Variants in ENAH observed in about 807,000 individuals in gnomAD.
The protein encoded by ENAH is ENAH actin regulator, also known as protein enabled homolog.
Under a neutral mutation model 78.7 loss-of-function variants are expected in ENAH, and 23 were observed. That is an observed-to-expected ratio of 0.29 (90% CI 0.21 to 0.41). The LOEUF (loss-of-function observed/expected upper bound fraction) is 0.41, where lower values mean the gene tolerates loss of function less well. Ranked by LOEUF, ENAH falls within the 10% of genes least tolerant of loss-of-function variation. ENAH has a pLI of 1.00. For synonymous variants in ENAH, 226 were observed against 241.0 expected, an observed-to-expected ratio of 0.94 and a Z score of 0.58; for missense variants, 544 against 691.0, an observed-to-expected ratio of 0.79 and a Z score of 2.39.
In ENAH at chr1:225,632,354, T is replaced by G. The variant is rs185582203; in HGVS notation, c.5+20332A>C. On this transcript the variant is annotated intron_variant, in intron 1 of 13. Coordinates refer to ENST00000366843, the MANE Select transcript of ENAH (RefSeq NM_018212.6). Reference sequence around the variant, plus strand: ...CTCTACTGAAAATACAAAAATTAGTTGGGCATAGTGGCAGGCGCCTGTAAT... The same window carrying G: ...CTCTACTGAAAATACAAAAATTAGTGGGGCATAGTGGCAGGCGCCTGTAAT... Among the ~76,000 whole-genome samples the G allele has an allele frequency of 1.3e-3, 204 of 152,160 alleles. No homozygotes were observed. The Middle Eastern group carries it at 0.014, about 10-fold the overall frequency.
At chr1:225,619,409 T>G (rs1348963188) in intron 1 of ENAH, among the ~76,000 whole-genome samples, 1 of 152,138 alleles carries the variant, frequency 6.6e-6, no homozygotes, top group Non-Finnish European at 1.5e-5. Flanking sequence ...CTGGGCATGG[T>G]GGCAAGCACC....
intron 1 of ENAH, among the ~76,000 whole-genome samples, chr1:225,613,867 T>C (rs984299195): frequency 2.6e-5 from 4 of 152,092 alleles, no homozygotes; most frequent in African/African-American, 9.7e-5. Context: ...TCACATCCCA[T>C]AGGTTAAGGG....
intron 3 of ENAH, among the ~76,000 whole-genome samples, chr1:225,552,618 A>ATT: frequency 6.6e-6 from 1 of 152,224 alleles, no homozygotes; most frequent in East Asian, 1.9e-4. Context: ...AAACTACAGA[A>ATT]CTAAAAGCTT....
chr1:225,578,474 C>T (rs1325353866), intron 1 of ENAH, among the ~76,000 whole-genome samples: 1 of 152,068 alleles, frequency 6.6e-6, no homozygotes, highest in Non-Finnish European at 1.5e-5. Flanking sequence ...GACACTCTCT[C>T]TTAAAAAAGG....
intron 1 of ENAH, among the ~76,000 whole-genome samples, chr1:225,573,933 G>A (rs1488686370): frequency 6.6e-6 from 1 of 152,128 alleles, no homozygotes. Context: ...CTAGTCTGTA[G>A]TGAGTTATCA....
At chr1:225,516,296 C>G (rs2096416708) in intron 6 of ENAH, among the ~76,000 whole-genome samples, 1 of 152,066 alleles carries the variant, frequency 6.6e-6, no homozygotes, top group South Asian at 2.1e-4. Flanking sequence ...ATATATGAAC[C>G]CTGCCATCCT....
chr1:225,652,556 G>C (rs1276733030), intron 1 of ENAH, 130 bp downstream of exon 1: 2 of 1,063,502 alleles, frequency 1.9e-6, no homozygotes, highest in Non-Finnish European at 2.4e-6. Context: ...AGGCGGAGGG[G>C]GGAGGAACAG....
chr1:225,596,504 GCTT>G (rs919399064), intron 1 of ENAH, among the ~76,000 whole-genome samples: 6 of 152,122 alleles, frequency 3.9e-5, no homozygotes, highest in Non-Finnish European at 8.8e-5. Flanking sequence ...AAACTAAACA[GCTT>G]CTGATTAAGA....
chr1:225,600,133 C>G (rs754246289), intron 1 of ENAH, among the ~76,000 whole-genome samples: 18 of 152,216 alleles, frequency 1.2e-4, no homozygotes, highest in Non-Finnish European at 2.4e-4. Flanking sequence ...CCAATTAAAC[C>G]TCTTCTCTTT....
At chr1:225,597,229 A>G (rs558157436) in intron 1 of ENAH, among the ~76,000 whole-genome samples, 1 of 152,346 alleles carries the variant, frequency 6.6e-6, no homozygotes, top group East Asian at 1.9e-4. Context: ...ATGAGTCTCC[A>G]TGTTTCATAA....
At chr1:225,583,905 C>G (rs560798235) in intron 1 of ENAH, among the ~76,000 whole-genome samples, 1 of 152,210 alleles carries the variant, frequency 6.6e-6, no homozygotes, top group South Asian at 2.1e-4. Context: ...GTAATCCCAG[C>G]ACTTTGGGAG....
At chr1:225,535,025 A>C (rs2096555126) in intron 3 of ENAH, among the ~76,000 whole-genome samples, 2 of 152,252 alleles carry the variant, frequency 1.3e-5, no homozygotes, top group South Asian at 2.1e-4. Context: ...TGTCAATCAG[A>C]AATCAACCTA....
intron 1 of ENAH, among the ~76,000 whole-genome samples, chr1:225,569,649 T>G (rs2096751235): frequency 6.6e-6 from 1 of 152,130 alleles, no homozygotes; most frequent in Non-Finnish European, 1.5e-5. Flanking sequence ...TTTCCTCTAC[T>G]TTTTTTCTCC....
chr1:225,627,078 A>G (rs1658082993), intron 1 of ENAH, among the ~76,000 whole-genome samples: 1 of 152,224 alleles, frequency 6.6e-6, no homozygotes, highest in African/African-American at 2.4e-5. Context: ...AAGAAAAATT[A>G]TGGGCTCTAC....
intron 3 of ENAH, chr1:225,535,640 T>G (rs2096558133): frequency 2.8e-6 from 2 of 717,474 alleles, no homozygotes; most frequent in Non-Finnish European, 4.3e-6. Context: ...AACTAAAAGG[T>G]GCTTTGAAAT....
intron 6 of ENAH, among the ~76,000 whole-genome samples, chr1:225,515,865 G>T (rs2096413489): frequency 6.6e-6 from 1 of 152,192 alleles, no homozygotes; most frequent in South Asian, 2.1e-4. Flanking sequence ...AGGTCACTTT[G>T]TCAGGCTGAC....
At chr1:225,600,316 C>T (rs1311062818) in intron 1 of ENAH, among the ~76,000 whole-genome samples, 1 of 152,034 alleles carries the variant, frequency 6.6e-6, no homozygotes, top group African/African-American at 2.4e-5. Context: ...TGCAGTGAGC[C>T]ATGTTGGTGC....
intron 1 of ENAH, among the ~76,000 whole-genome samples, chr1:225,626,395 G>C (rs1278832872): frequency 3.3e-5 from 5 of 152,348 alleles, no homozygotes; most frequent in East Asian, 1.9e-4. Context: ...AATCACCAAG[G>C]TGATGATATT....
rs139474192 is a variant in ENAH at position 225,576,672 on chromosome 1, T to A, written c.6-9258A>T. On this transcript the variant is annotated intron_variant, in intron 1 of 13. Coordinates refer to ENST00000366843, the MANE Select transcript of ENAH (RefSeq NM_018212.6). ...GAGAATTAACACATATAACAGAGAC[T>A]AGAGTATTTAAAGAGTGAGAGGCAC... Among the ~76,000 whole-genome samples the A allele has an allele frequency of 3.0e-3, 455 of 152,040 alleles. 7 individuals are homozygous for A. The highest frequency in any genetic ancestry group is 0.01 in the African/African-American group (424 of 41,518).
Sources: gnomAD v4.1 joint callset for allele counts (sites outside exome capture counted in the v4.1 genomes callset) on GRCh38, gnomAD v4.1.1 for gene constraint, MANE v1.5 for transcripts, NCBI Gene and HGNC (gene_info 2026-07-23, HGNC 2026-07-21) for gene names.